Variants in DMD observed in about 807,000 individuals in gnomAD.
DMD encodes the protein dystrophin.
In DMD, 63 loss-of-function variants were observed where a neutral mutation model predicts 330.1. The observed-to-expected ratio is 0.19, with a 90% CI of 0.16 to 0.24. The LOEUF is 0.24. DMD is among the 10% of genes least tolerant of loss of function. The pLI is 1.00. For missense variants in DMD, 3,344 were observed against 2,684.1 expected (o/e 1.25, Z -5.43); for synonymous variants, 1,223 against 959.8 (o/e 1.27, Z -5.07).
chrX:33,201,554 T>G (rs1335279412), intron 1 of DMD, among the ~76,000 whole-genome samples: 1 of 111,602 alleles, frequency 9.0e-6, no homozygotes, highest in East Asian at 2.8e-4. Context: ...TCCACGTTAC[T>G]GGTACACTCT....
chrX:32,205,001 TCTCTCACATA>T (rs1374067691), intron 44 of DMD, among the ~76,000 whole-genome samples: 9 of 39,620 alleles, frequency 2.3e-4, no homozygotes, highest in Admixed American at 3.5e-4. Flanking sequence ...TCTCTCTCTC[TCTCTCACATA>T]CACACACACA....
At chrX:31,178,187 T>A in intron 70 of DMD, 7 of 753,705 alleles carry the variant, frequency 9.3e-6, no homozygotes, top group Non-Finnish European at 1.1e-5. Flanking sequence ...TGAAAAGAGG[T>A]GAAGACGTCC....
chrX:31,289,263 AAATAAAAAATAAAATAAAATCCATCTC>A (rs2053483655), intron 62 of DMD, among the ~76,000 whole-genome samples: 1 of 85,596 alleles, frequency 1.2e-5, no homozygotes, highest in African/African-American at 5.4e-5. Context: ...AAAAAAAAAA[AAATAAAAAATAAAATAAAATCCATCTC>A]AAAAAAAAAA....
At chrX:31,311,141 A>G (rs1286853192) in intron 62 of DMD, among the ~76,000 whole-genome samples, 3 of 111,062 alleles carry the variant, frequency 2.7e-5, no homozygotes, top group Non-Finnish European at 5.7e-5. Flanking sequence ...CCCCCAGCTC[A>G]AGGCTTGGGA....
chrX:31,328,837 A>T (rs1451721594), intron 61 of DMD, among the ~76,000 whole-genome samples: 1 of 112,326 alleles, frequency 8.9e-6, no homozygotes, highest in Non-Finnish European at 1.9e-5. Context: ...TAATTGTGGA[A>T]CCAATTCTTT....
intron 44 of DMD, among the ~76,000 whole-genome samples, chrX:32,003,996 T>C (rs1349579646): frequency 9.0e-6 from 1 of 111,448 alleles, no homozygotes; most frequent in Non-Finnish European, 1.9e-5. Context: ...ACATTTCAGT[T>C]TATAAATTTC....
At chrX:32,862,892 A>G (rs921256750) in intron 2 of DMD, among the ~76,000 whole-genome samples, 1 of 110,063 alleles carries the variant, frequency 9.1e-6, no homozygotes, top group South Asian at 3.9e-4. Flanking sequence ...GCGAGCCACT[A>G]CGCTTGGCTA....
At chrX:31,354,958 C>T (rs1185642825) in intron 60 of DMD, among the ~76,000 whole-genome samples, 3 of 111,438 alleles carry the variant, frequency 2.7e-5, no homozygotes, top group African/African-American at 6.5e-5. Context: ...AACTAAATTA[C>T]GATACGACAC....
At chrX:32,945,463 A>C (rs1344151930) in intron 2 of DMD, among the ~76,000 whole-genome samples, 1 of 111,193 alleles carries the variant, frequency 9.0e-6, no homozygotes, top group East Asian at 2.8e-4. Flanking sequence ...AATATGAATA[A>C]TTTGACTTTT....
intron 29 of DMD, among the ~76,000 whole-genome samples, chrX:32,415,753 G>T (rs1457300577): frequency 9.0e-6 from 1 of 111,635 alleles, no homozygotes; most frequent in African/African-American, 3.3e-5. Flanking sequence ...AATAACTGGC[G>T]ATCAATGACA....
Position 33,093,980 on chromosome X carries a change from T to G in DMD, c.32-73780A>C, listed in dbSNP as rs144528625. ...ATCAAAAAGACTAATGCAACATAAATTTGCCATGAGTTTATACGCACCTTA... is the reference window on the plus strand; with the variant it reads ...ATCAAAAAGACTAATGCAACATAAAGTTGCCATGAGTTTATACGCACCTTA... On this transcript the variant is annotated intron_variant, in intron 1 of 78. Transcript: ENST00000357033. Among the ~76,000 whole-genome samples, 642 of 111,644 alleles carry G rather than the reference T, an allele frequency of 5.8e-3. 3 individuals carry two copies. Among genetic ancestry groups the G allele is most frequent in the African/African-American group, 0.02 (618 of 30,875 alleles).
rs191146390 is a variant in DMD at position 32,502,146 on chromosome X, C to A, written c.2293-304G>T. Among the ~76,000 whole-genome samples, 8 of 111,149 alleles carry A rather than the reference C, an allele frequency of 7.2e-5. No homozygotes were observed. The East Asian group carries it at 2.0e-3, about 27-fold the overall frequency. ...CAAAAAGTAAAAAGGCAATTCATAACAATGAAAGATAAAGTGTCACATAAC... is the reference window on the plus strand; with the variant it reads ...CAAAAAGTAAAAAGGCAATTCATAAAAATGAAAGATAAAGTGTCACATAAC... On this transcript the variant is annotated intron_variant, in intron 18 of 78. Coordinates refer to ENST00000357033, the MANE Select transcript of DMD (RefSeq NM_004006.3).
At chrX:31,530,947 T>C (rs2073750269) in intron 55 of DMD, among the ~76,000 whole-genome samples, 1 of 90,369 alleles carries the variant, frequency 1.1e-5, no homozygotes, top group Non-Finnish European at 2.1e-5. Flanking sequence ...GTTCTTGCGA[T>C]AGTTTACTGA....
At chrX:32,500,659 A>G (rs1273246013) in intron 19 of DMD, among the ~76,000 whole-genome samples, 3 of 112,078 alleles carry the variant, frequency 2.7e-5, no homozygotes, top group African/African-American at 9.7e-5. Context: ...AGTTAAAATT[A>G]CCAAGCAACA....
chrX:32,283,843 C>T (rs974375973), intron 43 of DMD, among the ~76,000 whole-genome samples: 3 of 111,567 alleles, frequency 2.7e-5, no homozygotes, highest in Admixed American at 9.5e-5. Context: ...ACAAAAATAT[C>T]GACTAACTGC....
chrX:32,878,038 T>G (rs1292483793), intron 2 of DMD, among the ~76,000 whole-genome samples: 1 of 112,251 alleles, frequency 8.9e-6, no homozygotes, highest in Admixed American at 9.4e-5. Flanking sequence ...AACATAAGCA[T>G]TCCTCTAATT....
At chrX:32,744,220 A>T (rs1325955605) in intron 7 of DMD, among the ~76,000 whole-genome samples, 4 of 110,177 alleles carry the variant, frequency 3.6e-5, no homozygotes, top group Admixed American at 1.9e-4. Flanking sequence ...CATTCCTCCA[A>T]AGTTGCTCTT....
chrX:31,314,263 T>C (rs1264951259), intron 62 of DMD, among the ~76,000 whole-genome samples: 2 of 112,640 alleles, frequency 1.8e-5, no homozygotes, highest in East Asian at 5.5e-4. Context: ...TCTTCCTGTC[T>C]AGCAGATTAC....
At chrX:32,683,388 C>A (rs747119028) in intron 9 of DMD, among the ~76,000 whole-genome samples, 1 of 109,809 alleles carries the variant, frequency 9.1e-6, no homozygotes. Context: ...GACTTGGAAT[C>A]AACCCAAATG....
Sources: gnomAD v4.1 joint callset for allele counts (sites outside exome capture counted in the v4.1 genomes callset) on GRCh38, gnomAD v4.1.1 for gene constraint, MANE v1.5 for transcripts, NCBI Gene and HGNC (gene_info 2026-07-23, HGNC 2026-07-21) for gene names.